DNM2: variants seen among roughly 807,000 people sequenced by gnomAD.
The protein encoded by DNM2 is dynamin-2.
DNM2 carries 15 observed loss-of-function variants against 99.0 expected under a neutral mutation model. The ratio of observed to expected loss-of-function variants is 0.15; its 90% CI spans 0.10 to 0.23. The LOEUF is 0.23. DNM2 is among the 10% of genes least tolerant of loss of function. The pLI is 1.00. For synonymous variants in DNM2, 525 were observed against 481.2 expected (o/e 1.09, Z -1.19); for missense variants, 742 against 1,189.4 (o/e 0.62, Z 5.53).
rs767631539 is a variant in DNM2, at chr19:10,796,426, C to T, written c.1197-954C>T. On this transcript the variant is annotated intron_variant, in intron 9 of 20. Transcript: ENST00000389253. This position sits in a 1 kb window ranked among gnomAD's most constrained non-coding sequence, Gnocchi z 5.6. ...CTCCTGGACTGGCCAGACAGATGCACAGTTGTCCCTGGGACCCTGATACCA... is the reference window on the plus strand; with the variant it reads ...CTCCTGGACTGGCCAGACAGATGCATAGTTGTCCCTGGGACCCTGATACCA... Among the ~76,000 whole-genome samples the T allele has an allele frequency of 2.6e-5, 4 of 152,146 alleles. No individual in the cohort carries two copies. The highest frequency in any genetic ancestry group is 5.9e-5 in the Non-Finnish European group (4 of 68,002).
intron 5 of DNM2, among the ~76,000 whole-genome samples, chr19:10,781,987 A>G (rs1232577004): frequency 6.6e-6 from 1 of 151,752 alleles, no homozygotes; most frequent in Non-Finnish European, 1.5e-5. Context: ...TACTCGTTTG[A>G]TAGTGGATTT....
At position 10,775,291 on chromosome 19, in the gene DNM2, A is replaced by G. The variant is rs1295904050; in HGVS notation, c.386-412A>G. Among the ~76,000 whole-genome samples the G allele has an allele frequency of 6.6e-6, 1 of 151,820 alleles. No individual in the cohort carries two copies. The highest frequency in any genetic ancestry group is 2.4e-5 in the African/African-American group (1 of 41,316). On this transcript the variant is annotated intron_variant, in intron 3 of 20. Coordinates refer to ENST00000389253, the MANE Select transcript of DNM2 (RefSeq NM_001005361.3). The surrounding 1 kb of genome is among the most constrained non-coding windows in gnomAD (Gnocchi z 4.3). ...CAGATGGGGTTTTGCCATGTTGGCTAGGCTGGTCTAGAACTCCTGGCCTCA... is the reference window on the plus strand; with the variant it reads ...CAGATGGGGTTTTGCCATGTTGGCTGGGCTGGTCTAGAACTCCTGGCCTCA...
chr19:10,824,220 G>A (rs891498327), intron 17 of DNM2: 5 of 377,998 alleles, frequency 1.3e-5, no homozygotes, highest in Middle Eastern at 8.8e-4. Flanking sequence ...ATGCCTTGCC[G>A]GGCACGGTGG....
rs957506784 is a variant in DNM2 at position 10,775,107 on chromosome 19, A to T, written c.386-596A>T. 6.7e-6 allele frequency among the ~76,000 whole-genome samples: 1 copy of T among 149,006 alleles called. No individual in the cohort carries two copies. Among genetic ancestry groups the T allele is most frequent in the Non-Finnish European group, 1.5e-5 (1 of 67,320 alleles). On this transcript the variant is annotated intron_variant, in intron 3 of 20. Transcript: ENST00000389253. This position sits in a 1 kb window ranked among gnomAD's most constrained non-coding sequence, Gnocchi z 4.3. ...TCTTTTGTTTTTGTTTTTTTGAGAC[A>T]GTCTTGCTCTGTCGCCCAGGCTGGA...
intron 5 of DNM2, among the ~76,000 whole-genome samples, chr19:10,779,214 C>CA (rs771369368): frequency 0.042 from 4,196 of 100,320 alleles, 95 homozygotes; most frequent in African/African-American, 0.079. Flanking sequence ...GGGTCTGTCT[C>CA]AAAAAAAAAA....
chr19:10,799,255 C>G (rs1421513301), intron 11 of DNM2, among the ~76,000 whole-genome samples: 1 of 152,022 alleles, frequency 6.6e-6, no homozygotes, highest in East Asian at 1.9e-4. Context: ...AGGAAATCCC[C>G]AGGCCCTGGC....
At position 10,825,133 on chromosome 19, in the gene DNM2, G is replaced by A. The variant is rs2146188021; in HGVS notation, c.1970G>A (p.Arg657His). Residue 657 changes from arginine to histidine, a missense_variant, in exon 18 of 21, where the codon CGC becomes CAC. By Grantham distance (29) the Arg-to-His change is conservative (BLOSUM62 0). This residue lies in a region of DNM2 where 240 missense variants were observed against 431.3 expected (regional missense o/e 0.56). Coordinates refer to ENST00000389253, the MANE Select transcript of DNM2 (RefSeq NM_001005361.3). The stretch of plus-strand genomic sequence containing the variant: ...CTGGAGCGGCAGGTGGAGACCATTC[G>A]CAACCTGGTGGACTCATACGTGGCC... ...PQLERQVETI[R>H]NLVDSYVAII... 5.6e-6 allele frequency: 9 copies of A among 1,614,228 alleles called. No individual in the cohort carries two copies. The highest frequency in any genetic ancestry group is 2.2e-5 in the East Asian group (1 of 44,890).
rs761971465 is a variant in DNM2, at chr19:10,775,046, C to T, written c.386-657C>T. On this transcript the variant is annotated intron_variant, in intron 3 of 20. Transcript: ENST00000389253. The surrounding 1 kb of genome is among the most constrained non-coding windows in gnomAD (Gnocchi z 4.3). ...ATGGCCTCCCAAAGTGCTGGGATGA[C>T]AGGCATGAGTCACCGCGCCTGGCCT... Among the ~76,000 whole-genome samples, 4 of 152,116 alleles carry T rather than the reference C, an allele frequency of 2.6e-5. No individual in the cohort carries two copies. The South Asian group carries it at 6.2e-4, about 24-fold the overall frequency.
Position 10,819,973 on chromosome 19 carries a change from C to T in DNM2, c.1672-7C>T. On this transcript the variant is annotated splice_region_variant and splice_polypyrimidine_tract_variant and intron_variant, in intron 15 of 20. Transcript: ENST00000389253. ...GCTCAGGGTGACTCTTTTCCCTCCACCCTCAGGAGAAAGAGAAGAAGTACA... is the reference window on the plus strand; with the variant it reads ...GCTCAGGGTGACTCTTTTCCCTCCATCCTCAGGAGAAAGAGAAGAAGTACA... 6.2e-7 allele frequency: 1 copy of T among 1,613,946 alleles called. No individual in the cohort carries two copies. The highest frequency in any genetic ancestry group is 1.1e-5 in the South Asian group (1 of 91,086).
chr19:10,775,746 G>T lies in DNM2; in HGVS notation c.429G>T (p.Val143=), dbSNP rs769461123. The change falls in exon 4 of 21, where the codon GTG becomes GTT. Residue 143 remains valine, a synonymous_variant. Coordinates refer to ENST00000389253, the MANE Select transcript of DNM2 (RefSeq NM_001005361.3). This position sits in a 1 kb window ranked among gnomAD's most constrained non-coding sequence, Gnocchi z 4.3. ...TLIDLPGITK[V]PVGDQPPDIE... is the part of the protein sequence containing the mutation. ...TCGACCTCCCGGGTATCACCAAGGT[G>T]CCTGTGGGCGACCAGCCTCCAGACA... 21 of 1,614,020 alleles carry T rather than the reference G, an allele frequency of 1.3e-5. No homozygotes were observed. The South Asian group carries it at 2.1e-4, about 16-fold the overall frequency.
At chr19:10,755,026 A>G (rs1439397416) in intron 1 of DNM2, 1 of 152,240 alleles carries the variant, frequency 6.6e-6, no homozygotes, top group Non-Finnish European at 1.5e-5. Flanking sequence ...CCTGATTTCT[A>G]TCTCCAGAGA....
At chr19:10,801,068 G>C (rs2072120416) in intron 11 of DNM2, among the ~76,000 whole-genome samples, 1 of 152,252 alleles carries the variant, frequency 6.6e-6, no homozygotes, top group Non-Finnish European at 1.5e-5. Context: ...CACTTTGGGA[G>C]GCCAAGGCAG....
At chr19:10,781,869 C>T (rs1038265750) in intron 5 of DNM2, 1 of 151,940 alleles carries the variant, frequency 6.6e-6, no homozygotes, top group Non-Finnish European at 1.5e-5. Flanking sequence ...TATACTGAAG[C>T]GTTAACTTTC....
chr19:10,830,402 A>C lies in DNM2; in HGVS notation c.2543+24A>C, dbSNP rs2073297520. The C allele has an allele frequency of 1.2e-6, 2 of 1,601,376 alleles. No individual in the cohort carries two copies. ...AGGTAAGGCCAACCCCCTGCCCTCC[A>C]CCCCAACTGCCTGCACCCTGGGGTC... On this transcript the variant is annotated intron_variant, in intron 20 of 20. Transcript: ENST00000389253. This position sits in a 1 kb window ranked among gnomAD's most constrained non-coding sequence, Gnocchi z 4.8.
At position 10,830,256 on chromosome 19, in the gene DNM2, C is replaced by T; in HGVS notation, c.2421C>T (p.Pro807=). 2 of 1,614,034 alleles carry T rather than the reference C, an allele frequency of 1.2e-6. No individual in the cohort carries two copies. Among genetic ancestry groups the T allele is most frequent in the Non-Finnish European group, 8.5e-7 (1 of 1,179,946 alleles). Residue 807 remains proline, a synonymous_variant, in exon 20 of 21, where the codon CCC becomes CCT. Coordinates refer to ENST00000389253, the MANE Select transcript of DNM2 (RefSeq NM_001005361.3). This position sits in a 1 kb window ranked among gnomAD's most constrained non-coding sequence, Gnocchi z 4.8. The part of the protein sequence containing the change: ...PVGAAASFSA[P]PIPSRPGPQS... The stretch of plus-strand genomic sequence containing the variant: ...GGGCAGCAGCCTCCTTCTCGGCGCC[C>T]CCAATCCCATCCCGGCCTGGACCCC...
Position 10,772,698 on chromosome 19 carries a change from C to T in DNM2, c.385+70C>T. On this transcript the variant is annotated intron_variant, in intron 3 of 20. Coordinates refer to ENST00000389253, the MANE Select transcript of DNM2 (RefSeq NM_001005361.3). This position sits in a 1 kb window ranked among gnomAD's most constrained non-coding sequence, Gnocchi z 4.9. ...TTCATGGACAGTGCTATGGGTGAGC[C>T]TGTGTACTTCCACTCATGGGTATCA... The T allele has an allele frequency of 6.2e-7, 1 of 1,604,088 alleles. No individual in the cohort carries two copies. The highest frequency in any genetic ancestry group is 8.5e-7 in the Non-Finnish European group (1 of 1,175,376).
At chr19:10,731,341 T>C (rs1165784715) in intron 1 of DNM2, among the ~76,000 whole-genome samples, 1 of 151,104 alleles carries the variant, frequency 6.6e-6, no homozygotes, top group Non-Finnish European at 1.5e-5. Context: ...CAGGTTGTTC[T>C]TTTCTTTTCC....
chr19:10,729,889 G>C (rs2069251330), intron 1 of DNM2, among the ~76,000 whole-genome samples: 1 of 150,990 alleles, frequency 6.6e-6, no homozygotes, highest in African/African-American at 2.4e-5. Flanking sequence ...TTTGGAACAG[G>C]TCTCACTCTG....
At chr19:10,829,289 T>C in intron 19 of DNM2, 21 bp downstream of exon 19, 2 of 1,609,888 alleles carry the variant, frequency 1.2e-6, no homozygotes, top group Non-Finnish European at 1.7e-6. Flanking sequence ...CTGGTTCCCC[T>C]ACCCTCAAGC....
Sources: gnomAD v4.1 joint callset for allele counts (sites outside exome capture counted in the v4.1 genomes callset) on GRCh38, gnomAD v4.1.1 for gene constraint, gnomAD v4.1.1 regional missense constraint, Gnocchi (gnomAD v3.1) non-coding constraint, MANE v1.5 for transcripts, NCBI Gene and HGNC (gene_info 2026-07-23, HGNC 2026-07-21) for gene names.